GLRA1: variants seen among roughly 807,000 people sequenced by gnomAD.
GLRA1 encodes glycine receptor subunit alpha-1.
Under a neutral mutation model 48.3 loss-of-function variants are expected in GLRA1, and 37 were observed. That is an observed-to-expected ratio of 0.77 (90% CI 0.59 to 1.01). The LOEUF (loss-of-function observed/expected upper bound fraction) is 1.01, where lower values mean the gene tolerates loss of function less well. GLRA1 is among the 50% of genes least tolerant of loss of function. The pLI, the probability that GLRA1 is intolerant of heterozygous loss-of-function variation, is 0.00. For synonymous variants in GLRA1, 196 were observed against 210.7 expected (o/e 0.93, Z 0.60); for missense variants, 427 against 571.0 (o/e 0.75, Z 2.57).
Position 151,872,744 on chromosome 5 carries a change from A to T in GLRA1, c.253-12736T>A, listed in dbSNP as rs1753520579. Reference sequence around the variant, plus strand: ...TGGAAACATAGTATAATTTTGTCATACATTTAATCTAATAATAAATAATAT... The same window carrying T: ...TGGAAACATAGTATAATTTTGTCATTCATTTAATCTAATAATAAATAATAT... On this transcript the variant is annotated intron_variant, in intron 3 of 8. Coordinates refer to ENST00000274576, the MANE Select transcript of GLRA1 (RefSeq NM_000171.4). 2.0e-5 allele frequency among the ~76,000 whole-genome samples: 3 copies of T among 150,004 alleles called. No homozygotes were observed. The South Asian group carries it at 6.2e-4, about 31-fold the overall frequency.
chr5:151,897,519 A>C (rs1754252816), intron 1 of GLRA1, among the ~76,000 whole-genome samples: 1 of 152,112 alleles, frequency 6.6e-6, no homozygotes, highest in Admixed American at 6.5e-5. Flanking sequence ...GGCAGATTTG[A>C]TTAATGGTAA....
chr5:151,906,783 G>A (rs778453884), intron 1 of GLRA1, among the ~76,000 whole-genome samples: 3 of 152,198 alleles, frequency 2.0e-5, no homozygotes, highest in Non-Finnish European at 4.4e-5. Flanking sequence ...GAGAGTTAAC[G>A]TGGTTAATAG....
intron 2 of GLRA1, among the ~76,000 whole-genome samples, chr5:151,888,661 C>T (rs1753981544): frequency 2.6e-5 from 4 of 152,190 alleles, no homozygotes; most frequent in African/African-American, 9.7e-5. Flanking sequence ...CAACCCCACA[C>T]TAAGTAAAAC....
chr5:151,860,843 A>G (rs1403276375), intron 3 of GLRA1, among the ~76,000 whole-genome samples: 2 of 152,178 alleles, frequency 1.3e-5, no homozygotes, highest in Non-Finnish European at 2.9e-5. Context: ...CGTCATTTAC[A>G]TTAGGTATAT....
intron 7 of GLRA1, among the ~76,000 whole-genome samples, chr5:151,835,027 CAAAAAAA>C (rs60718344): frequency 9.5e-5 from 5 of 52,536 alleles, no homozygotes; most frequent in Non-Finnish European, 1.3e-4. Context: ...GACAACATCT[CAAAAAAA>C]AAAAAAAAAA....
chr5:151,889,989 C>T (rs768219766), intron 2 of GLRA1, among the ~76,000 whole-genome samples: 43 of 152,122 alleles, frequency 2.8e-4, no homozygotes, highest in Admixed American at 6.5e-4. Flanking sequence ...ATATTGGGCC[C>T]AAGTGTTCCG....
In GLRA1 at chr5:151,828,924, G is replaced by A; in HGVS notation, c.1056C>T (p.His352=). Residue 352 remains histidine, a synonymous_variant, in exon 8 of 9, where the codon CAC becomes CAT. Coordinates refer to ENST00000274576, the MANE Select transcript of GLRA1 (RefSeq NM_000171.4). ...LLRFRRKRRH[H]KEDEAGEGRF... Reference sequence around the variant, plus strand: ...AGGCAGTGACCCAAAGGCCTACCTTGTGATGTCTCCGCTTCCTCCTGAATC... The same window carrying A: ...AGGCAGTGACCCAAAGGCCTACCTTATGATGTCTCCGCTTCCTCCTGAATC... 6.2e-7 allele frequency: 1 copy of A among 1,614,018 alleles called. No individual in the cohort carries two copies. Among genetic ancestry groups the A allele is most frequent in the East Asian group, 2.2e-5 (1 of 44,888 alleles).
At position 151,864,709 on chromosome 5, in the gene GLRA1, C is replaced by T. The variant is rs780077800; in HGVS notation, c.253-4701G>A. ...TTGATCTCCTAGCAAGACCGAATCA[C>T]CTGGAATGTTTAATTGAGCACTTCT... On this transcript the variant is annotated intron_variant, in intron 3 of 8. Coordinates refer to ENST00000274576, the MANE Select transcript of GLRA1 (RefSeq NM_000171.4). Among the ~76,000 whole-genome samples, 6 of 152,162 alleles carry T rather than the reference C, an allele frequency of 3.9e-5. No homozygotes were observed. In the South Asian group the frequency reaches 6.2e-4, roughly 16 times the overall value.
intron 7 of GLRA1, chr5:151,848,934 ACATGT>A: frequency 2.8e-6 from 2 of 711,098 alleles, no homozygotes; most frequent in South Asian, 2.7e-5. Flanking sequence ...AAGCAGGTGT[ACATGT>A]CCCTGTCTCA....
At chr5:151,912,801 T>G (rs916966372) in intron 1 of GLRA1, among the ~76,000 whole-genome samples, 3 of 152,226 alleles carry the variant, frequency 2.0e-5, no homozygotes, top group Admixed American at 2.0e-4. Flanking sequence ...CTGAAAACTC[T>G]GAAAAGCACC....
At chr5:151,901,570 A>G (rs1010272588) in intron 1 of GLRA1, among the ~76,000 whole-genome samples, 4 of 152,234 alleles carry the variant, frequency 2.6e-5, no homozygotes, top group African/African-American at 9.6e-5. Flanking sequence ...TTTTAATCAG[A>G]TAAATCTCAC....
rs33988190 is a variant in GLRA1, at chr5:151,858,773, G to GA, written c.476+1011dup. On this transcript the variant is annotated intron_variant, in intron 4 of 8. Transcript: ENST00000274576. ...GACAGTTAAGGCTCATCACCCAAAGGAAAAAAAAAACGTGTTTCCCTGAAG... is the reference window on the plus strand; with the variant it reads ...GACAGTTAAGGCTCATCACCCAAAGGAAAAAAAAAAACGTGTTTCCCTGAAG... Among the ~76,000 whole-genome samples, 86 of 149,708 alleles carry GA rather than the reference G, an allele frequency of 5.7e-4. 1 individual carries two copies. The highest frequency in any genetic ancestry group is 2.2e-3 in the East Asian group (11 of 5,100).
chr5:151,860,619 C>T (rs374549423), intron 3 of GLRA1, among the ~76,000 whole-genome samples: 15 of 152,314 alleles, frequency 9.8e-5, no homozygotes, highest in Admixed American at 5.2e-4. Context: ...TCCTAGGGTT[C>T]ATCCCATTCG....
intron 3 of GLRA1, among the ~76,000 whole-genome samples, chr5:151,874,169 T>C (rs1282782185): frequency 6.6e-6 from 1 of 152,124 alleles, no homozygotes; most frequent in Non-Finnish European, 1.5e-5. Context: ...TGTGGGTAAA[T>C]GGAGATTTCA....
intron 1 of GLRA1, among the ~76,000 whole-genome samples, chr5:151,894,890 A>G (rs1754192263): frequency 2.0e-5 from 3 of 152,230 alleles, no homozygotes; most frequent in African/African-American, 7.2e-5. Flanking sequence ...TTCGGAGGGT[A>G]TTCTAGGACT....
intron 2 of GLRA1, among the ~76,000 whole-genome samples, chr5:151,889,771 G>A (rs1024567868): frequency 1.3e-5 from 2 of 152,140 alleles, no homozygotes; most frequent in African/African-American, 4.8e-5. Context: ...TGTGTCGGTG[G>A]AAGCAGGAAA....
chr5:151,850,755 C>T, intron 7 of GLRA1: 3 of 1,030,948 alleles, frequency 2.9e-6, no homozygotes, highest in South Asian at 1.3e-5. Context: ...CGTGTCTTCT[C>T]AATGAAACCG....
chr5:151,827,127 T>C (rs1406481008), intron 8 of GLRA1, among the ~76,000 whole-genome samples: 2 of 150,406 alleles, frequency 1.3e-5, no homozygotes, highest in Admixed American at 1.3e-4. Flanking sequence ...TTCCTAGTAG[T>C]TGGGATTATA....
Position 151,822,770 on chromosome 5 carries a change from A to G in GLRA1, c.1253T>C (p.Ile418Thr), listed in dbSNP as rs1239753439. ...GGCCATGGGGAAGCCAATGCGGGAT[A>G]TTTTGTCGATCTTCTTGGCCCTCTG... ...FIQRAKKIDK[I>T]SRIGFPMAFL... Residue 418 changes from isoleucine to threonine, a missense_variant, in exon 9 of 9, where the codon ATA becomes ACA. Coordinates refer to ENST00000274576, the MANE Select transcript of GLRA1 (RefSeq NM_000171.4). The G allele has an allele frequency of 1.2e-6, 2 of 1,613,942 alleles. No homozygotes were observed. The highest frequency in any genetic ancestry group is 3.3e-5 in the Admixed American group (2 of 60,010).
Sources: gnomAD v4.1 joint callset for allele counts (sites outside exome capture counted in the v4.1 genomes callset) on GRCh38, gnomAD v4.1.1 for gene constraint, MANE v1.5 for transcripts, NCBI Gene and HGNC (gene_info 2026-07-23, HGNC 2026-07-21) for gene names.